The following ARHGAP6 variants were observed in gnomAD, a reference collection of about 807,000 sequenced individuals.
The protein encoded by ARHGAP6 is rho GTPase-activating protein 6.
A neutral mutation model predicts 55.7 loss-of-function variants in ARHGAP6; 16 were observed. The ratio of observed to expected loss-of-function variants is 0.29; its 90% confidence interval spans 0.19 to 0.44. The LOEUF is 0.44. Among genes scored for constraint, ARHGAP6 ranks in the 20% least tolerant of loss-of-function variants. The probability of loss-of-function intolerance (pLI) is 1.00; values close to 1 mark genes in which losing one functional copy is unlikely to be tolerated. For missense variants in ARHGAP6, 698 were observed against 808.9 expected (o/e 0.86, Z 1.66); for synonymous variants, 382 against 360.9 (o/e 1.06, Z -0.66).
intron 8 of ARHGAP6, among the ~76,000 whole-genome samples, chrX:11,176,232 C>CATATAT (rs746195419): frequency 0.031 from 740 of 23,856 alleles, 41 homozygotes; most frequent in East Asian, 0.13. Context: ...AGAGGATTTG[C>CATATAT]ATATATATAT....
At chrX:11,276,518 C>CA (rs1431896781) in intron 1 of ARHGAP6, among the ~76,000 whole-genome samples, 19 of 109,685 alleles carry the variant, frequency 1.7e-4, no homozygotes, top group African/African-American at 4.0e-4. Flanking sequence ...AGTAAAAATG[C>CA]AAAAAAAAGA....
At chrX:11,593,515 G>C (rs750875340) in intron 1 of ARHGAP6, among the ~76,000 whole-genome samples, 3 of 112,002 alleles carry the variant, frequency 2.7e-5, no homozygotes, top group Non-Finnish European at 5.6e-5. Flanking sequence ...TGGTGGACAC[G>C]TGTTATACAT....
chrX:11,161,271 A>G (rs886471935), intron 9 of ARHGAP6, among the ~76,000 whole-genome samples: 3 of 112,603 alleles, frequency 2.7e-5, no homozygotes, highest in African/African-American at 9.7e-5. Context: ...TTGGATGAAC[A>G]CTTATTTCTC....
Position 11,179,327 on chromosome X carries a change from C to G in ARHGAP6, c.1455G>C (p.Leu485=). ...DMPDPLLTRE[L]YTAFINTLLL... ...AGAGAGTGTTGATGAAAGCTGTGTA[C>G]AGCTCCCTGGTGAGAAGGGGGTCTG... Residue 485 remains leucine (L), a synonymous_variant, in exon 7 of 13, where the codon CTG becomes CTC. Coordinates refer to ENST00000337414, the MANE Select transcript of ARHGAP6 (RefSeq NM_013427.3). 1 of 1,208,309 alleles carries G rather than the reference C, an allele frequency of 8.3e-7. No individual in the cohort carries two copies. Among genetic ancestry groups the G allele is most frequent in the Admixed American group, 2.2e-5 (1 of 45,622 alleles).
chrX:11,305,263 T>G (rs1438814557), intron 1 of ARHGAP6, among the ~76,000 whole-genome samples: 3 of 111,774 alleles, frequency 2.7e-5, no homozygotes, highest in Admixed American at 9.5e-5. Context: ...GTCCCGTGAT[T>G]AAGTCAGCTA....
intron 1 of ARHGAP6, among the ~76,000 whole-genome samples, chrX:11,268,317 G>A (rs2047652227): frequency 8.9e-6 from 1 of 111,960 alleles, no homozygotes; most frequent in Non-Finnish European, 1.9e-5. Flanking sequence ...CCAGTGCGGT[G>A]TGCTTTTACT....
chrX:11,407,254 T>G (rs1169903772), intron 1 of ARHGAP6, among the ~76,000 whole-genome samples: 1 of 111,969 alleles, frequency 8.9e-6, no homozygotes, highest in African/African-American at 3.3e-5. Context: ...GAATATGTGA[T>G]CTCTTGTGTC....
intron 1 of ARHGAP6, among the ~76,000 whole-genome samples, chrX:11,452,512 A>T (rs2050153050): frequency 8.9e-6 from 1 of 112,111 alleles, no homozygotes; most frequent in Admixed American, 9.4e-5. Context: ...ACCTAATCAG[A>T]GGAATATCCG....
intron 1 of ARHGAP6, among the ~76,000 whole-genome samples, chrX:11,570,752 T>C (rs1367391589): frequency 1.8e-5 from 2 of 112,001 alleles, no homozygotes; most frequent in Non-Finnish European, 3.8e-5. Context: ...ACACTAAATC[T>C]ACAATTTTAA....
chrX:11,216,858 C>G (rs2046890434), intron 2 of ARHGAP6, among the ~76,000 whole-genome samples: 1 of 110,460 alleles, frequency 9.1e-6, no homozygotes, highest in Non-Finnish European at 1.9e-5. Context: ...TAATGCTATC[C>G]CTCCCCTAGC....
rs371706810 is a variant in ARHGAP6, at chrX:11,196,905, T to A, written c.820+20A>T. On this transcript the variant is annotated intron_variant, in intron 3 of 12. Coordinates refer to ENST00000337414, the MANE Select transcript of ARHGAP6 (RefSeq NM_013427.3). ...ATGCTCCATGGAAGATGCATTTACATTGGGTACTTTACCCTTTACCTTTGT... is the reference window on the plus strand; with the variant it reads ...ATGCTCCATGGAAGATGCATTTACAATGGGTACTTTACCCTTTACCTTTGT... The A allele has an allele frequency of 1.2e-5, 11 of 907,047 alleles. No homozygotes were observed. In the African/African-American group the frequency reaches 1.9e-4, roughly 16 times the overall value. The allele number at this position is 907,047 out of a possible 1,213,427, so 74.8% of individuals were successfully genotyped here.
chrX:11,430,828 T>C (rs1439399225), intron 1 of ARHGAP6, among the ~76,000 whole-genome samples: 1 of 112,038 alleles, frequency 8.9e-6, no homozygotes, highest in East Asian at 2.8e-4. Flanking sequence ...TCAGGGCTTT[T>C]AGGGTATCCA....
chrX:11,311,828 C>T (rs1215011656), intron 1 of ARHGAP6, among the ~76,000 whole-genome samples: 1 of 111,057 alleles, frequency 9.0e-6, no homozygotes. Context: ...CAGGCACACG[C>T]TATGTTACTT....
At chrX:11,658,713 T>TA (rs1569075562) in intron 1 of ARHGAP6, among the ~76,000 whole-genome samples, 1 of 104,200 alleles carries the variant, frequency 9.6e-6, no homozygotes, top group African/African-American at 3.5e-5. Context: ...ATATACTAGA[T>TA]AAGAAGAGGA....
Position 11,166,751 on chromosome X carries a change from G to T in ARHGAP6, c.1809+2754C>A, listed in dbSNP as rs145890020. On this transcript the variant is annotated intron_variant, in intron 9 of 12. Transcript: ENST00000337414. Reference sequence around the variant, plus strand: ...CATGCAGATTTTACAACTAGAAGGGGTCTTGGCTATCATTCATTCAAATCT... The same window carrying T: ...CATGCAGATTTTACAACTAGAAGGGTTCTTGGCTATCATTCATTCAAATCT... 8.0e-4 allele frequency among the ~76,000 whole-genome samples: 90 copies of T among 112,123 alleles called. No homozygotes were observed. In the East Asian group the frequency reaches 0.022, roughly 28 times the overall value.
At chrX:11,607,219 T>C (rs1024042386) in intron 1 of ARHGAP6, among the ~76,000 whole-genome samples, 1 of 112,268 alleles carries the variant, frequency 8.9e-6, no homozygotes, top group African/African-American at 3.2e-5. Flanking sequence ...AATTCTCACC[T>C]CTTCCTGCAG....
chrX:11,461,453 C>T (rs900774172), intron 1 of ARHGAP6, among the ~76,000 whole-genome samples: 1 of 111,747 alleles, frequency 8.9e-6, no homozygotes, highest in Non-Finnish European at 1.9e-5. Flanking sequence ...CTCTTAGACT[C>T]GTAGCCACAC....
Position 11,665,843 on chromosome X carries a change from A to C in ARHGAP6, c.-1015T>G, listed in dbSNP as rs923924943. 1 of 112,699 alleles carries C rather than the reference A, an allele frequency of 8.9e-6. No homozygotes were observed. The highest frequency in any genetic ancestry group is 3.2e-5 in the African/African-American group (1 of 30,919). The allele number at this position is 112,699 out of a possible 1,213,427, so 9.3% of individuals were successfully genotyped here. ...CAGGAGCAGGAGAAAGCAGAACGTG[A>C]AGAGTTTTCCAGGCGCCAAACCTGC... On this transcript the variant is annotated 5_prime_UTR_variant, in exon 1 of 13. Coordinates refer to ENST00000337414, the MANE Select transcript of ARHGAP6 (RefSeq NM_013427.3).
intron 1 of ARHGAP6, among the ~76,000 whole-genome samples, chrX:11,357,543 T>C (rs2048946787): frequency 8.9e-6 from 1 of 111,823 alleles, no homozygotes; most frequent in African/African-American, 3.3e-5. Flanking sequence ...ATTTTATGTG[T>C]TTGGGTCAGT....
Sources: allele counts gnomAD v4.1 joint callset (sites outside exome capture counted in the v4.1 genomes callset), GRCh38; gene constraint gnomAD v4.1.1; transcripts MANE v1.5; gene names NCBI Gene and HGNC (gene_info 2026-07-23, HGNC 2026-07-21).